Variants in TTLL5 observed in about 807,000 individuals in gnomAD.
TTLL5 encodes tubulin tyrosine ligase like 5.
TTLL5 carries 132 observed loss-of-function variants against 168.4 expected under a neutral mutation model. The ratio of observed to expected loss-of-function variants is 0.78; its 90% confidence interval spans 0.68 to 0.91. The LOEUF (loss-of-function observed/expected upper bound fraction) is 0.91, where lower values mean the gene tolerates loss of function less well. Ranked by LOEUF, TTLL5 falls within the 40% of genes least tolerant of loss-of-function variation. The probability of loss-of-function intolerance (pLI) is 0.00; values close to 1 mark genes in which losing one functional copy is unlikely to be tolerated. For synonymous variants in TTLL5, 546 were observed against 558.6 expected (o/e 0.98, Z 0.32); for missense variants, 1,545 against 1,581.5 (o/e 0.98, Z 0.39).
At chr14:75,666,070 A>G (rs17103566) in intron 2 of TTLL5, among the ~76,000 whole-genome samples, 47,807 of 152,146 alleles carry the variant, frequency 0.31, 9,362 homozygotes, top group East Asian at 0.56. Flanking sequence ...TTTAACTGTT[A>G]ATCTTGTTTC....
intron 27 of TTLL5, chr14:75,803,341 A>C (rs939976462): frequency 1.3e-5 from 2 of 152,268 alleles, no homozygotes; most frequent in Admixed American, 6.5e-5. Context: ...TAGATTCTTA[A>C]GAAATCTGTG....
At position 75,739,878 on chromosome 14, in the gene TTLL5, T is replaced by C. The variant is rs1464319904; in HGVS notation, c.1281+4589T>C. Among the ~76,000 whole-genome samples, 3 of 152,354 alleles carry C rather than the reference T, an allele frequency of 2.0e-5. No homozygotes were observed. In the East Asian group the frequency reaches 5.8e-4, roughly 29 times the overall value. ...CTTTTGAGTCTTTTGATTTTCCCAT[T>C]GTCAAGATCTCTTGTTATTTTGATA... is the stretch of plus-strand genomic sequence containing the variant. On this transcript the variant is annotated intron_variant, in intron 15 of 31. Transcript: ENST00000298832.
intron 30 of TTLL5, among the ~76,000 whole-genome samples, chr14:75,884,133 A>G (rs2031968614): frequency 6.6e-6 from 1 of 152,276 alleles, no homozygotes; most frequent in African/African-American, 2.4e-5. Flanking sequence ...TGTGAAGTAC[A>G]TAGAGTAAGG....
intron 17 of TTLL5, among the ~76,000 whole-genome samples, chr14:75,750,052 AG>A (rs1049028798): frequency 1.3e-5 from 2 of 152,142 alleles, no homozygotes; most frequent in Non-Finnish European, 2.9e-5. Flanking sequence ...TTTTAATGAC[AG>A]GGATTCTAAG....
intron 31 of TTLL5, chr14:75,904,104 T>A: frequency 8.0e-7 from 1 of 1,245,000 alleles, no homozygotes. Flanking sequence ...CACTGATCCA[T>A]GGAAGTATGA....
intron 12 of TTLL5, among the ~76,000 whole-genome samples, chr14:75,729,115 G>A (rs1888371165): frequency 6.6e-6 from 1 of 152,148 alleles, no homozygotes; most frequent in African/African-American, 2.4e-5. Context: ...GGTTTGGCTA[G>A]GGGCTGAAGG....
intron 31 of TTLL5, among the ~76,000 whole-genome samples, chr14:75,947,224 A>T (rs944125628): frequency 1.3e-5 from 2 of 152,364 alleles, no homozygotes; most frequent in South Asian, 2.1e-4. Flanking sequence ...CTGGATTTTT[A>T]AAAAATAGAC....
chr14:75,718,544 T>C (rs1390203224), intron 10 of TTLL5, among the ~76,000 whole-genome samples: 1 of 152,210 alleles, frequency 6.6e-6, no homozygotes, highest in African/African-American at 2.4e-5. Context: ...CCAGAAGTAG[T>C]ACCGAAGTGT....
At chr14:75,935,253 T>G (rs2034400445) in intron 31 of TTLL5, among the ~76,000 whole-genome samples, 1 of 152,234 alleles carries the variant, frequency 6.6e-6, no homozygotes, top group Non-Finnish European at 1.5e-5. Flanking sequence ...AAACTTCTTT[T>G]CACCAACAGC....
At chr14:75,701,390 G>T (rs1367630899) in intron 7 of TTLL5, among the ~76,000 whole-genome samples, 1 of 152,136 alleles carries the variant, frequency 6.6e-6, no homozygotes, top group Non-Finnish European at 1.5e-5. Context: ...GAATGAAACT[G>T]GCCGCTGGTC....
chr14:75,876,826 C>T (rs767815704), intron 29 of TTLL5, among the ~76,000 whole-genome samples: 4 of 152,224 alleles, frequency 2.6e-5, no homozygotes, highest in South Asian at 2.1e-4. Context: ...CTCTCACTCT[C>T]ACCTTGGCTG....
chr14:75,843,962 C>T (rs554093127), intron 28 of TTLL5, among the ~76,000 whole-genome samples: 5 of 151,012 alleles, frequency 3.3e-5, no homozygotes, highest in East Asian at 1.9e-4. Context: ...GGCATGATCT[C>T]GGCTCACTGC....
chr14:75,782,679 C>A, intron 25 of TTLL5, 106 bp downstream of exon 25: 1 of 897,256 alleles, frequency 1.1e-6, no homozygotes, highest in Non-Finnish European at 1.6e-6. Context: ...AACATTACCC[C>A]AAAGAAATAT....
chr14:75,827,321 C>T (rs1895233877), intron 28 of TTLL5, among the ~76,000 whole-genome samples: 1 of 152,132 alleles, frequency 6.6e-6, no homozygotes, highest in South Asian at 2.1e-4. Context: ...AATCACAATA[C>T]TAAGGTTGAC....
intron 6 of TTLL5, among the ~76,000 whole-genome samples, chr14:75,695,618 C>T (rs1885782475): frequency 6.6e-6 from 1 of 152,166 alleles, no homozygotes; most frequent in Non-Finnish European, 1.5e-5. Flanking sequence ...TTTAAAATTT[C>T]TCTCTTTTGT....
chr14:75,897,518 C>T (rs2032724920), intron 30 of TTLL5, among the ~76,000 whole-genome samples: 2 of 151,146 alleles, frequency 1.3e-5, no homozygotes, highest in Admixed American at 6.6e-5. Flanking sequence ...CTCTTGTCAC[C>T]CAGGCTGGAG....
rs2030231321 is a variant in TTLL5 at position 75,863,731 on chromosome 14, A to C, written c.3391A>C (p.Thr1131Pro). ...EVENNVYSQA[T>P]GVVPQHKYHP... ...AGAAAACAACGTGTACAGCCAGGCT[A>C]CAGGGGTGGTCCCCCAGCACAAGTA... The change falls in exon 29 of 32, where the codon ACA becomes CCA. Residue 1131 changes from threonine to proline, a missense_variant. Transcript: ENST00000298832. The C allele has an allele frequency of 6.2e-7, 1 of 1,613,836 alleles. No individual in the cohort carries two copies. The highest frequency in any genetic ancestry group is 1.3e-5 in the African/African-American group (1 of 74,970).
intron 27 of TTLL5, among the ~76,000 whole-genome samples, chr14:75,816,985 T>A (rs1473898535): frequency 6.9e-6 from 1 of 144,372 alleles, no homozygotes; most frequent in Admixed American, 6.9e-5. Context: ...TTTTTTTTTT[T>A]TTTTTTTTTT....
intron 26 of TTLL5, among the ~76,000 whole-genome samples, chr14:75,788,025 C>T (rs943909143): frequency 2.6e-5 from 4 of 152,076 alleles, no homozygotes; most frequent in African/African-American, 9.7e-5. Context: ...TTGGTGTGCA[C>T]CTGTAGTCCA....
Sources: gnomAD v4.1 joint callset for allele counts (sites outside exome capture counted in the v4.1 genomes callset) on GRCh38, gnomAD v4.1.1 for gene constraint, MANE v1.5 for transcripts, NCBI Gene and HGNC (gene_info 2026-07-23, HGNC 2026-07-21) for gene names.